ANKH: variants seen among roughly 807,000 people sequenced by gnomAD.
ANKH encodes the protein mineralization regulator ANKH.
A neutral mutation model predicts 49.0 loss-of-function variants in ANKH; 15 were observed. The observed-to-expected ratio is 0.31, with a 90% CI of 0.20 to 0.47. ANKH has a LOEUF of 0.47. Among genes scored for constraint, ANKH ranks in the 20% least tolerant of loss-of-function variants. The pLI, the probability that ANKH is intolerant of heterozygous loss-of-function variation, is 1.00. For synonymous variants in ANKH, 273 were observed against 260.0 expected (o/e 1.05, Z -0.48); for missense variants, 429 against 652.0 (o/e 0.66, Z 3.72).
chr5:14,851,930 C>G (rs1742132801), intron 1 of ANKH, among the ~76,000 whole-genome samples: 1 of 152,182 alleles, frequency 6.6e-6, no homozygotes, highest in African/African-American at 2.4e-5. Flanking sequence ...TCAATGGATA[C>G]AGTTAGGTGT....
In ANKH at chr5:14,845,367, T is replaced by TATATATATA. The variant is rs201739117; in HGVS notation, c.96+25984_96+25985insTATATATAT. On this transcript the variant is annotated intron_variant, in intron 1 of 11. Coordinates refer to ENST00000284268, the MANE Select transcript of ANKH (RefSeq NM_054027.6). Reference sequence around the variant, plus strand: ...TCATGTGTATATATATATATATATATTTTTTTTTTTACCTTTCTGGTTTTA... The same window carrying TATATATATA: ...TCATGTGTATATATATATATATATATATATATATATTTTTTTTTTACCTTTCTGGTTTTA... 2.1e-3 allele frequency among the ~76,000 whole-genome samples: 178 copies of TATATATATA among 83,330 alleles called. 1 individual carries two copies. Among genetic ancestry groups the TATATATATA allele is most frequent in the East Asian group, 9.5e-3 (9 of 948 alleles). 54.7% of individuals were successfully genotyped at this position (83,330 alleles called of 152,430 possible). A position where few individuals can be genotyped will look rare whatever the true frequency, so the allele number is the denominator to read the frequency against.
chr5:14,744,872 C>T (rs1738483270), intron 7 of ANKH, among the ~76,000 whole-genome samples: 1 of 152,226 alleles, frequency 6.6e-6, no homozygotes, highest in Non-Finnish European at 1.5e-5. Context: ...GTGGCCTAGC[C>T]TTGTTGTGTG....
chr5:14,716,743 A>G lies in ANKH; in HGVS notation c.1104T>C (p.Val368=). Reference sequence around the variant, plus strand: ...AGAAGGAGAAGATCCGCAAAGGAACAACACAGAGTTCTGCAAAGGCAAAGT... The same window carrying G: ...AGAAGGAGAAGATCCGCAAAGGAACGACACAGAGTTCTGCAAAGGCAAAGT... ...GVDFAFAELC[V]VPLRIFSFFP... is the part of the protein sequence containing the mutation. Residue 368 remains valine (V), a synonymous_variant, in exon 9 of 12, where the codon GTT becomes GTC. Coordinates refer to ENST00000284268, the MANE Select transcript of ANKH (RefSeq NM_054027.6). 1 of 1,614,182 alleles carries G rather than the reference A, an allele frequency of 6.2e-7. No individual in the cohort carries two copies. The highest frequency in any genetic ancestry group is 8.5e-7 in the Non-Finnish European group (1 of 1,179,978).
At position 14,852,784 on chromosome 5, in the gene ANKH, A is replaced by G. The variant is rs565650709; in HGVS notation, c.96+18568T>C. ...ACGTGCAACTGGAAGAATGCACAGT[A>G]TCTTCCTTTTACCTTACCATCCCGG... is the stretch of plus-strand genomic sequence containing the variant. On this transcript the variant is annotated intron_variant, in intron 1 of 11. Coordinates refer to ENST00000284268, the MANE Select transcript of ANKH (RefSeq NM_054027.6). 1.6e-4 allele frequency among the ~76,000 whole-genome samples: 24 copies of G among 152,292 alleles called. No individual in the cohort carries two copies. In the South Asian group the frequency reaches 3.9e-3, roughly 25 times the overall value.
At position 14,711,150 on chromosome 5, in the gene ANKH, T is replaced by C. The variant is rs371022603; in HGVS notation, c.*47A>G. The C allele has an allele frequency of 2.7e-5, 40 of 1,457,298 alleles. No individual in the cohort carries two copies. The highest frequency in any genetic ancestry group is 3.3e-5 in the Non-Finnish European group (34 of 1,037,064). The allele number at this position is 1,457,298 out of a possible 1,614,324, so 90.3% of individuals were successfully genotyped here. Reference sequence around the variant, plus strand: ...GGAGAGGGAAGAGATGATGCCGAAGTGTCATCCTGACTGACTGTCCCTGCA... The same window carrying C: ...GGAGAGGGAAGAGATGATGCCGAAGCGTCATCCTGACTGACTGTCCCTGCA... On this transcript the variant is annotated 3_prime_UTR_variant, in exon 12 of 12. Coordinates refer to ENST00000284268, the MANE Select transcript of ANKH (RefSeq NM_054027.6).
At chr5:14,808,087 T>A (rs1740759921) in intron 1 of ANKH, among the ~76,000 whole-genome samples, 1 of 152,244 alleles carries the variant, frequency 6.6e-6, no homozygotes, top group Admixed American at 6.5e-5. Context: ...TTTATTAATT[T>A]TTTTTGAAAA....
chr5:14,761,507 A>G (rs1739078570), intron 2 of ANKH, among the ~76,000 whole-genome samples: 1 of 152,156 alleles, frequency 6.6e-6, no homozygotes, highest in Non-Finnish European at 1.5e-5. Flanking sequence ...AACTCATCTG[A>G]GTAAGGGCAT....
intron 4 of ANKH, among the ~76,000 whole-genome samples, chr5:14,755,587 C>T (rs1580041730): frequency 6.6e-6 from 1 of 152,146 alleles, no homozygotes; most frequent in South Asian, 2.1e-4. Flanking sequence ...CATGTGCATG[C>T]TCTTTAAAAA....
At chr5:14,790,668 T>C (rs1217049329) in intron 1 of ANKH, among the ~76,000 whole-genome samples, 2 of 152,218 alleles carry the variant, frequency 1.3e-5, no homozygotes, top group African/African-American at 2.4e-5. Flanking sequence ...GGAGCAGTGG[T>C]GCGATCTCGG....
Position 14,871,223 on chromosome 5 carries a change from G to A in ANKH, c.96+129C>T, listed in dbSNP as rs761414311. 1.0e-4 allele frequency: 84 copies of A among 804,796 alleles called. No individual in the cohort carries two copies. In the East Asian group the frequency reaches 2.2e-3, roughly 21 times the overall value. 49.9% of individuals were successfully genotyped at this position (804,796 alleles called of 1,614,324 possible). A position where few individuals can be genotyped will look rare whatever the true frequency, so the allele number is the denominator to read the frequency against. On this transcript the variant is annotated intron_variant, in intron 1 of 11. Transcript: ENST00000284268. ...GTGCTGGAAAAGTCACCCTTGACAAGCTGCACACCCGACCAAATGTTTCAG... is the reference window on the plus strand; with the variant it reads ...GTGCTGGAAAAGTCACCCTTGACAAACTGCACACCCGACCAAATGTTTCAG...
chr5:14,747,767 G>A (rs1185459694), intron 6 of ANKH, among the ~76,000 whole-genome samples: 1 of 152,190 alleles, frequency 6.6e-6, no homozygotes, highest in African/African-American at 2.4e-5. Flanking sequence ...CCCCAGCAAT[G>A]TGAAGAAAGT....
intron 1 of ANKH, among the ~76,000 whole-genome samples, chr5:14,839,260 A>G (rs1741749062): frequency 1.3e-5 from 2 of 152,194 alleles, no homozygotes; most frequent in African/African-American, 4.8e-5. Flanking sequence ...GAATATGTAA[A>G]CTAATTTTTT....
At chr5:14,750,930 T>C (rs1302021052) in intron 5 of ANKH, 139 bp downstream of exon 5, 4 of 984,454 alleles carry the variant, frequency 4.1e-6, no homozygotes, top group Non-Finnish European at 3.1e-6. Context: ...TGCAGACATC[T>C]AGCACTTGGC....
chr5:14,716,352 G>A (rs577721870), intron 9 of ANKH, among the ~76,000 whole-genome samples: 1 of 152,172 alleles, frequency 6.6e-6, no homozygotes, highest in Non-Finnish European at 1.5e-5. Flanking sequence ...AATTAGTTGG[G>A]TATGGTGGTG....
chr5:14,828,815 A>G (rs1741422067), intron 1 of ANKH, among the ~76,000 whole-genome samples: 1 of 152,212 alleles, frequency 6.6e-6, no homozygotes, highest in South Asian at 2.1e-4. Flanking sequence ...GCTAGAAAAC[A>G]ACTTTGCCCA....
chr5:14,796,836 TAAG>T (rs1447180731), intron 1 of ANKH, among the ~76,000 whole-genome samples: 1 of 152,310 alleles, frequency 6.6e-6, no homozygotes, highest in East Asian at 1.9e-4. Flanking sequence ...GGATATAGCA[TAAG>T]AAGAAAAATA....
intron 1 of ANKH, among the ~76,000 whole-genome samples, chr5:14,774,885 AAATAG>A (rs56299536): frequency 0.33 from 50,121 of 151,546 alleles, 8,359 homozygotes; most frequent in Admixed American, 0.39. Flanking sequence ...AAACGTATAC[AAATAG>A]AATAAACATT....
intron 1 of ANKH, among the ~76,000 whole-genome samples, chr5:14,801,285 T>C (rs543284544): frequency 1.1e-4 from 17 of 152,326 alleles, no homozygotes; most frequent in South Asian, 1.0e-3. Flanking sequence ...TTAAATTCCC[T>C]ATGACCTCCC....
intron 1 of ANKH, chr5:14,797,324 T>A (rs1252800718): frequency 6.3e-7 from 1 of 1,595,374 alleles, no homozygotes; most frequent in East Asian, 2.2e-5. Flanking sequence ...GCCTGTCTTC[T>A]GCATCTTCTG....
Sources: allele counts gnomAD v4.1 joint callset (sites outside exome capture counted in the v4.1 genomes callset), GRCh38; gene constraint gnomAD v4.1.1; transcripts MANE v1.5; gene names NCBI Gene and HGNC (gene_info 2026-07-23, HGNC 2026-07-21).